SIDT1: variants seen among roughly 807,000 people sequenced by gnomAD.
SIDT1 encodes SID1 transmembrane family, member 1.
In SIDT1, 101 loss-of-function variants were observed where a neutral mutation model predicts 107.5. The observed-to-expected ratio is 0.94, with a 90% confidence interval of 0.80 to 1.11. The LOEUF (loss-of-function observed/expected upper bound fraction) is 1.11, where lower values mean the gene tolerates loss of function less well. Ranked by LOEUF, SIDT1 falls within the 50% of genes least tolerant of loss-of-function variation. The pLI is 0.00. For missense variants in SIDT1, 1,076 were observed against 1,058.2 expected (o/e 1.02, Z -0.23); for synonymous variants, 395 against 398.2 (o/e 0.99, Z 0.10).
intron 1 of SIDT1, among the ~76,000 whole-genome samples, chr3:113,547,859 A>G (rs1939774310): frequency 1.3e-5 from 2 of 152,120 alleles, no homozygotes; most frequent in South Asian, 4.1e-4. Flanking sequence ...GGGTGCTAAT[A>G]CGTAATTATT....
rs562186666 is a variant in SIDT1 at position 113,565,214 on chromosome 3, T to C, written c.223-1206T>C. Among the ~76,000 whole-genome samples, 195 of 152,318 alleles carry C rather than the reference T, an allele frequency of 1.3e-3. 1 individual carries two copies. The highest frequency in any genetic ancestry group is 4.4e-3 in the African/African-American group (185 of 41,576). On this transcript the variant is annotated intron_variant, in intron 1 of 24. Coordinates refer to ENST00000264852, the MANE Select transcript of SIDT1 (RefSeq NM_017699.3). Reference sequence around the variant, plus strand: ...CTATCTCTCTTCTATTTTGTTCTCTTACATGTTGCCTATGGTATTATAAGA... The same window carrying C: ...CTATCTCTCTTCTATTTTGTTCTCTCACATGTTGCCTATGGTATTATAAGA...
chr3:113,613,162 A>G (rs890057598), intron 19 of SIDT1, among the ~76,000 whole-genome samples: 3 of 152,232 alleles, frequency 2.0e-5, no homozygotes, highest in Admixed American at 6.5e-5. Flanking sequence ...TTTGCCCTAC[A>G]TCCAATGTTC....
chr3:113,606,025 A>G (rs1278880341), intron 14 of SIDT1, among the ~76,000 whole-genome samples: 1 of 104,438 alleles, frequency 9.6e-6, no homozygotes, highest in East Asian at 2.7e-4. Flanking sequence ...AAAGGAAAAA[A>G]AAGAAAAAAA....
intron 1 of SIDT1, among the ~76,000 whole-genome samples, chr3:113,554,554 G>A (rs1216997071): frequency 2.6e-5 from 4 of 152,108 alleles, no homozygotes; most frequent in Non-Finnish European, 4.4e-5. Flanking sequence ...CATGCAAGAC[G>A]TGCCTTTGCT....
At chr3:113,623,354 C>A in intron 21 of SIDT1, 73 bp from the exon 22 acceptor site, 1 of 921,814 alleles carries the variant, frequency 1.1e-6, no homozygotes, top group Non-Finnish European at 1.8e-6. Flanking sequence ...CCTCAAGGGA[C>A]TGGGGGATTG....
intron 10 of SIDT1, among the ~76,000 whole-genome samples, chr3:113,597,050 A>G (rs536646211): frequency 1.1e-4 from 17 of 151,728 alleles, no homozygotes; most frequent in Non-Finnish European, 2.5e-4. Context: ...CTAGATCTCT[A>G]CTCTTCTTTT....
intron 21 of SIDT1, 115 bp from the exon 22 acceptor site, chr3:113,623,312 G>T: frequency 4.2e-6 from 2 of 481,754 alleles, no homozygotes; most frequent in Non-Finnish European, 7.3e-6. Context: ...AAAAATAAAA[G>T]TTAAAAAAAA....
intron 1 of SIDT1, among the ~76,000 whole-genome samples, chr3:113,563,838 T>C (rs1403991089): frequency 2.0e-5 from 3 of 152,196 alleles, no homozygotes; most frequent in African/African-American, 4.8e-5. Context: ...AGTGGCATAA[T>C]GGTGTTGTAT....
rs1186562903 is a variant in SIDT1 at position 113,539,093 on chromosome 3, G to A, written c.222+5850G>A. ...GGCTATTTGGTTACCTTAAGCTATC[G>A]TTTGTAAAGAAAAAATGAAATAAAT... is the stretch of plus-strand genomic sequence containing the variant. On this transcript the variant is annotated intron_variant, in intron 1 of 24. Coordinates refer to ENST00000264852, the MANE Select transcript of SIDT1 (RefSeq NM_017699.3). Among the ~76,000 whole-genome samples, 7 of 152,070 alleles carry A rather than the reference G, an allele frequency of 4.6e-5. No individual in the cohort carries two copies. In the South Asian group the frequency reaches 1.0e-3, roughly 23 times the overall value.
Position 113,601,573 on chromosome 3 carries a change from C to T in SIDT1, c.1046-15C>T, listed in dbSNP as rs775698814. 2.7e-5 allele frequency: 44 copies of T among 1,607,280 alleles called. No homozygotes were observed. The Admixed American group carries it at 7.2e-4, about 26-fold the overall frequency. On this transcript the variant is annotated splice_polypyrimidine_tract_variant and intron_variant, in intron 10 of 24. Transcript: ENST00000264852. Reference sequence around the variant, plus strand: ...ACTGGACATAAAGTGTTTGCCTCTTCACTTTTTTTAACAGGCTCTGGAAAT... The same window carrying T: ...ACTGGACATAAAGTGTTTGCCTCTTTACTTTTTTTAACAGGCTCTGGAAAT...
intron 15 of SIDT1, among the ~76,000 whole-genome samples, chr3:113,607,739 G>A (rs184141045): frequency 3.9e-4 from 59 of 152,324 alleles, no homozygotes; most frequent in Middle Eastern, 3.4e-3. Flanking sequence ...GGGTCCACCT[G>A]TGAGAACTCA....
At chr3:113,581,809 G>T (rs568462888) in intron 6 of SIDT1, 2 of 213,642 alleles carry the variant, frequency 9.4e-6, no homozygotes, top group Non-Finnish European at 1.9e-5. Context: ...AGAGGCAGAG[G>T]TTGAAGTGAG....
intron 19 of SIDT1, among the ~76,000 whole-genome samples, chr3:113,615,520 T>TA (rs947951240): frequency 1.3e-5 from 2 of 152,330 alleles, no homozygotes; most frequent in East Asian, 1.9e-4. Flanking sequence ...CAACTGTGCT[T>TA]AAAAAAACTT....
At chr3:113,617,279 G>T (rs114362566) in intron 20 of SIDT1, among the ~76,000 whole-genome samples, 6 of 152,170 alleles carry the variant, frequency 3.9e-5, no homozygotes, top group African/African-American at 1.4e-4. Context: ...TTTATAACTT[G>T]TGCTTATTGC....
intron 19 of SIDT1, 133 bp from the exon 20 acceptor site, chr3:113,615,966 TA>T: frequency 1.4e-6 from 1 of 731,266 alleles, no homozygotes; most frequent in Non-Finnish European, 2.5e-6. Context: ...GCGCACCTAT[TA>T]GGTGCAAAGC....
intron 9 of SIDT1, among the ~76,000 whole-genome samples, chr3:113,585,492 T>G (rs1283847021): frequency 1.3e-5 from 2 of 152,150 alleles, no homozygotes; most frequent in Non-Finnish European, 2.9e-5. Flanking sequence ...AAAGTACAAC[T>G]GCAGCTTTTA....
intron 17 of SIDT1, among the ~76,000 whole-genome samples, chr3:113,610,201 G>A (rs951919637): frequency 2.0e-5 from 3 of 152,182 alleles, no homozygotes; most frequent in Non-Finnish European, 4.4e-5. Context: ...TAACACTGCA[G>A]TGATCATCCT....
Position 113,564,658 on chromosome 3 carries a change from G to T in SIDT1, c.223-1762G>T, listed in dbSNP as rs367834148. 6.6e-5 allele frequency among the ~76,000 whole-genome samples: 10 copies of T among 152,306 alleles called. No homozygotes were observed. In the East Asian group the frequency reaches 1.9e-3, roughly 29 times the overall value. ...TCTCCAGTTTCAGGCTTACATGAAT[G>T]GCTGCATGGTGGGGCCATTCAACAT... On this transcript the variant is annotated intron_variant, in intron 1 of 24. Coordinates refer to ENST00000264852, the MANE Select transcript of SIDT1 (RefSeq NM_017699.3).
At chr3:113,553,181 A>G (rs777803313) in intron 1 of SIDT1, among the ~76,000 whole-genome samples, 1 of 152,190 alleles carries the variant, frequency 6.6e-6, no homozygotes, top group Non-Finnish European at 1.5e-5. Flanking sequence ...TCTCTTAAAC[A>G]TGGCCTTCCC....
Sources: gnomAD v4.1 joint callset for allele counts (sites outside exome capture counted in the v4.1 genomes callset) on GRCh38, gnomAD v4.1.1 for gene constraint, MANE v1.5 for transcripts, NCBI Gene and HGNC (gene_info 2026-07-23, HGNC 2026-07-21) for gene names.